Variants in INPP4B observed in about 807,000 individuals in gnomAD.
INPP4B encodes the protein inositol polyphosphate 4-phosphatase type II.
A neutral mutation model predicts 122.5 loss-of-function variants in INPP4B; 55 were observed. The observed-to-expected ratio is 0.45, with a 90% CI of 0.36 to 0.56. The LOEUF is 0.56. INPP4B is among the 20% of genes least tolerant of loss of function. The pLI, the probability that INPP4B is intolerant of heterozygous loss-of-function variation, is 0.00. For missense variants in INPP4B, 1,000 were observed against 1,097.7 expected (o/e 0.91, Z 1.26); for synonymous variants, 403 against 388.7 (o/e 1.04, Z -0.43).
intron 25 of INPP4B, among the ~76,000 whole-genome samples, chr4:142,048,255 C>G (rs150900424): frequency 2.6e-5 from 4 of 152,216 alleles, no homozygotes; most frequent in African/African-American, 7.2e-5. Context: ...TTCCTACATT[C>G]TCCATTGCAC....
At position 142,358,581 on chromosome 4, in the gene INPP4B, C is replaced by T. The variant is rs141763586; in HGVS notation, c.373-43819G>A. On this transcript the variant is annotated intron_variant, in intron 7 of 25. Transcript: ENST00000262992. Reference sequence around the variant, plus strand: ...CCCAGGAGCTTTTAAAAAACTGCTACGCCTAGGCTATACCCCGGAATGATT... The same window carrying T: ...CCCAGGAGCTTTTAAAAAACTGCTATGCCTAGGCTATACCCCGGAATGATT... Among the ~76,000 whole-genome samples the T allele has an allele frequency of 9.9e-3, 1,489 of 150,236 alleles. 25 individuals are homozygous for T. Among genetic ancestry groups the T allele is most frequent in the African/African-American group, 0.035 (1,423 of 40,910 alleles).
At chr4:142,534,587 C>A (rs903771524) in intron 2 of INPP4B, among the ~76,000 whole-genome samples, 2 of 151,842 alleles carry the variant, frequency 1.3e-5, no homozygotes, top group Non-Finnish European at 2.9e-5. Flanking sequence ...TATTCTCTTA[C>A]AACAGCATAA....
intron 25 of INPP4B, among the ~76,000 whole-genome samples, chr4:142,039,757 A>G (rs1380815373): frequency 6.6e-6 from 1 of 152,158 alleles, no homozygotes; most frequent in African/African-American, 2.4e-5. Flanking sequence ...TGATTAAAGG[A>G]CCAAGAAAAA....
At chr4:142,530,550 C>CATATATATATATATATATATAT (rs35595178) in intron 2 of INPP4B, among the ~76,000 whole-genome samples, 8 of 140,468 alleles carry the variant, frequency 5.7e-5, no homozygotes, top group Admixed American at 1.5e-4. Flanking sequence ...TATGTGTGTG[C>CATATATATATATATATATATAT]ATATATATAT....
rs529706496 is a variant in INPP4B, at chr4:142,192,288, A to G, written c.1181+799T>C. On this transcript the variant is annotated intron_variant, in intron 15 of 25. Coordinates refer to ENST00000262992, the MANE Select transcript of INPP4B (RefSeq NM_001101669.3). ...CATGCAATTCACCATGGTTAAAAAA[A>G]AAAGAAAGAAAAAAACCTGCACACA... Among the ~76,000 whole-genome samples the G allele has an allele frequency of 4.7e-5, 7 of 150,006 alleles. No homozygotes were observed. In the South Asian group the frequency reaches 1.3e-3, roughly 27 times the overall value.
intron 1 of INPP4B, among the ~76,000 whole-genome samples, chr4:142,780,067 T>G (rs1774568774): frequency 6.6e-6 from 1 of 152,166 alleles, no homozygotes; most frequent in South Asian, 2.1e-4. Flanking sequence ...TGTCATTACT[T>G]TTATATTCAC....
At chr4:142,379,162 C>T (rs962593076) in intron 7 of INPP4B, among the ~76,000 whole-genome samples, 1 of 152,074 alleles carries the variant, frequency 6.6e-6, no homozygotes, top group African/African-American at 2.4e-5. Flanking sequence ...TCACTATAGG[C>T]CCCATATCTT....
chr4:142,633,232 T>C (rs1417890391), intron 2 of INPP4B, among the ~76,000 whole-genome samples: 1 of 151,992 alleles, frequency 6.6e-6, no homozygotes, highest in African/African-American at 2.4e-5. Flanking sequence ...CCTAATACTA[T>C]AGTTTCAAAA....
chr4:142,068,905 C>T (rs1765291196), intron 25 of INPP4B, among the ~76,000 whole-genome samples: 1 of 152,176 alleles, frequency 6.6e-6, no homozygotes, highest in Non-Finnish European at 1.5e-5. Context: ...ACCCCACTGT[C>T]AACATTAGAC....
chr4:142,295,744 T>C (rs1758413800), intron 9 of INPP4B, among the ~76,000 whole-genome samples: 1 of 149,188 alleles, frequency 6.7e-6, no homozygotes, highest in African/African-American at 2.5e-5. Flanking sequence ...CCCTTTTTTT[T>C]TTCTTTTCTT....
At chr4:142,718,895 A>C (rs183795676) in intron 2 of INPP4B, among the ~76,000 whole-genome samples, 1 of 152,230 alleles carries the variant, frequency 6.6e-6, no homozygotes, top group Admixed American at 6.5e-5. Context: ...TAACAACTTC[A>C]GTATGAAAGT....
intron 1 of INPP4B, among the ~76,000 whole-genome samples, chr4:142,776,511 T>G (rs1773945103): frequency 6.6e-6 from 1 of 152,178 alleles, no homozygotes; most frequent in African/African-American, 2.4e-5. Flanking sequence ...TCATTTGCAC[T>G]GGCTTTCTTA....
intron 1 of INPP4B, among the ~76,000 whole-genome samples, chr4:142,756,569 A>T (rs1418334649): frequency 6.6e-6 from 1 of 151,968 alleles, no homozygotes; most frequent in Non-Finnish European, 1.5e-5. Context: ...TATCAGCTCC[A>T]AACTCTGTGG....
At chr4:142,302,059 G>A (rs1761649744) in intron 9 of INPP4B, among the ~76,000 whole-genome samples, 1 of 152,112 alleles carries the variant, frequency 6.6e-6, no homozygotes, top group African/African-American at 2.4e-5. Flanking sequence ...CAGGTTGGTA[G>A]AGCAAAGGAT....
chr4:142,620,980 A>T (rs1167481535), intron 2 of INPP4B, among the ~76,000 whole-genome samples: 1 of 151,952 alleles, frequency 6.6e-6, no homozygotes, highest in Non-Finnish European at 1.5e-5. Context: ...CAAAAAAGTA[A>T]ATTAAAATAT....
intron 16 of INPP4B, among the ~76,000 whole-genome samples, chr4:142,161,966 G>A (rs1048365635): frequency 2.0e-5 from 3 of 151,662 alleles, no homozygotes; most frequent in East Asian, 1.9e-4. Context: ...CTCACCACCC[G>A]CCATAAAACT....
chr4:142,607,615 T>C (rs1322627766), intron 2 of INPP4B, among the ~76,000 whole-genome samples: 1 of 152,156 alleles, frequency 6.6e-6, no homozygotes, highest in Non-Finnish European at 1.5e-5. Context: ...CAGATGTCTA[T>C]GTACAAAACA....
At chr4:142,637,528 T>C (rs1749441424) in intron 2 of INPP4B, among the ~76,000 whole-genome samples, 1 of 152,224 alleles carries the variant, frequency 6.6e-6, no homozygotes, top group African/African-American at 2.4e-5. Context: ...GGCTTGATAC[T>C]TCATTTCTTT....
chr4:142,427,151 AC>A (rs1808277600), intron 5 of INPP4B: 1 of 174,738 alleles, frequency 5.7e-6, no homozygotes, highest in African/African-American at 2.4e-5. Flanking sequence ...TATCTGTAAT[AC>A]CCTTGAAAGA....
Sources: allele counts gnomAD v4.1 joint callset (sites outside exome capture counted in the v4.1 genomes callset), GRCh38; gene constraint gnomAD v4.1.1; transcripts MANE v1.5; gene names NCBI Gene and HGNC (gene_info 2026-07-23, HGNC 2026-07-21).